RALGAPB: variants seen among roughly 807,000 people sequenced by gnomAD.
RALGAPB encodes the protein Ral GTPase activating protein non-catalytic subunit beta.
RALGAPB carries 25 observed loss-of-function variants against 161.1 expected under a neutral mutation model. That is an observed-to-expected ratio of 0.16 (90% CI 0.11 to 0.22). The LOEUF is 0.22. Among genes scored for constraint, RALGAPB ranks in the 10% least tolerant of loss-of-function variants. RALGAPB has a pLI of 1.00. For synonymous variants in RALGAPB, 629 were observed against 626.1 expected, an observed-to-expected ratio of 1.00 and a Z score of -0.07; for missense variants, 1,391 against 1,815.2, an observed-to-expected ratio of 0.77 and a Z score of 4.25.
chr20:38,510,143 C>CACACACACACACACACACACAG (rs1291491837), intron 6 of RALGAPB, among the ~76,000 whole-genome samples: 6 of 146,124 alleles, frequency 4.1e-5, no homozygotes, highest in Non-Finnish European at 7.4e-5. Flanking sequence ...CACACACACA[C>CACACACACACACACACACACAG]ACACACACAC....
At chr20:38,524,115 G>A (rs2086381264) in intron 10 of RALGAPB, among the ~76,000 whole-genome samples, 1 of 152,154 alleles carries the variant, frequency 6.6e-6, no homozygotes, top group South Asian at 2.1e-4. Flanking sequence ...GTTGAATAAC[G>A]GGAGATTGAA....
rs1161474159 is a variant in RALGAPB, at chr20:38,548,671, A to G, written c.2903-18A>G. ...TGTTGTCTGAAATTAAAACTTTTAT[A>G]TACATATTTTATTCTAGATGATTTT... On this transcript the variant is annotated intron_variant, in intron 19 of 29. Coordinates refer to ENST00000262879, the MANE Select transcript of RALGAPB (RefSeq NM_020336.4). 13 of 1,571,960 alleles carry G rather than the reference A, an allele frequency of 8.3e-6. No individual in the cohort carries two copies. The highest frequency in any genetic ancestry group is 1.7e-5 in the Admixed American group (1 of 59,232).
chr20:38,532,957 T>G, intron 15 of RALGAPB, 98 bp downstream of exon 15: 2 of 1,326,696 alleles, frequency 1.5e-6, no homozygotes, highest in Non-Finnish European at 2.1e-6. Flanking sequence ...GTTCATGTTT[T>G]TTATATACTT....
intron 16 of RALGAPB, among the ~76,000 whole-genome samples, chr20:38,538,844 G>T (rs1015731116): frequency 6.6e-6 from 1 of 152,166 alleles, no homozygotes; most frequent in African/African-American, 2.4e-5. Context: ...CAGCTTGGCT[G>T]TTCCTTAAAA....
At chr20:38,571,464 G>A (rs753433583) in intron 28 of RALGAPB, among the ~76,000 whole-genome samples, 10 of 152,144 alleles carry the variant, frequency 6.6e-5, no homozygotes, top group African/African-American at 9.7e-5. Flanking sequence ...GTAATATCAT[G>A]TGGAATTTGT....
At chr20:38,490,196 T>C (rs180987400) in intron 2 of RALGAPB, among the ~76,000 whole-genome samples, 3 of 150,196 alleles carry the variant, frequency 2.0e-5, no homozygotes, top group African/African-American at 7.4e-5. Flanking sequence ...TTTAAAAATG[T>C]ATTTTTATTT....
At chr20:38,497,562 C>G (rs186156711) in intron 4 of RALGAPB, 46 bp downstream of exon 4, 1 of 1,560,128 alleles carries the variant, frequency 6.4e-7, no homozygotes, top group East Asian at 2.2e-5. Flanking sequence ...GCTCCAAATA[C>G]AGTTCATCTT....
At chr20:38,549,547 A>ATAT (rs1339712516) in intron 20 of RALGAPB, among the ~76,000 whole-genome samples, 2,193 of 127,948 alleles carry the variant, frequency 0.017, 24 homozygotes, top group African/African-American at 0.026. Context: ...AAAAAAAAAA[A>ATAT]AAATATATAT....
intron 10 of RALGAPB, among the ~76,000 whole-genome samples, chr20:38,522,234 T>C (rs146021650): frequency 4.9e-4 from 74 of 152,356 alleles, no homozygotes; most frequent in Non-Finnish European, 7.3e-4. Flanking sequence ...GCTGGACTTA[T>C]AAAGGATGAG....
At position 38,533,239 on chromosome 20, in the gene RALGAPB, G is replaced by T. The variant is rs548610519; in HGVS notation, c.2245+380G>T. ...ATTGCAGTGTGGCAAGGAGGGTAAT[G>T]GGGGATGGATTAGATAGCAGCCCAG... On this transcript the variant is annotated intron_variant, in intron 15 of 29. Coordinates refer to ENST00000262879, the MANE Select transcript of RALGAPB (RefSeq NM_020336.4). Among the ~76,000 whole-genome samples the T allele has an allele frequency of 3.4e-4, 51 of 152,232 alleles. 1 individual carries two copies. In the South Asian group the frequency reaches 7.9e-3, roughly 24 times the overall value.
chr20:38,524,492 T>G (rs79239175), intron 10 of RALGAPB, among the ~76,000 whole-genome samples: 1 of 26,370 alleles, frequency 3.8e-5, no homozygotes, highest in Non-Finnish European at 3.4e-4. Context: ...CAGACATGAA[T>G]TTTTTTTTTT....
chr20:38,499,350 T>G, intron 4 of RALGAPB, 97 bp from the exon 5 acceptor site: 3 of 1,115,454 alleles, frequency 2.7e-6, no homozygotes, highest in Non-Finnish European at 3.8e-6. Flanking sequence ...ATATTGCACT[T>G]ATTTTAATTT....
In RALGAPB at chr20:38,562,456, C is replaced by CA; in HGVS notation, c.3532-76_3532-75insA. 2.3e-6 allele frequency: 3 copies of CA among 1,300,292 alleles called. No homozygotes were observed. The African/African-American group carries it at 4.6e-5, about 20-fold the overall frequency. The allele number at this position is 1,300,292 out of a possible 1,614,324, so 80.5% of individuals were successfully genotyped here. A position where few individuals can be genotyped will look rare whatever the true frequency, so the allele number is the denominator to read the frequency against. ...GATTTGTCAGAAGCTTCAAAACTAA[C>CA]CAATTTTTATGAAGATTTATTTTGA... On this transcript the variant is annotated intron_variant, in intron 23 of 29. Coordinates refer to ENST00000262879, the MANE Select transcript of RALGAPB (RefSeq NM_020336.4).
In RALGAPB at chr20:38,567,176, T is replaced by C. The variant is rs768597265; in HGVS notation, c.3898T>C (p.Ser1300Pro). The C allele has an allele frequency of 2.5e-6, 4 of 1,613,574 alleles. No homozygotes were observed. In the African/African-American group the frequency reaches 5.3e-5, roughly 22 times the overall value. ...DLMPGILKQP[S>P]LTLELFPNHT... is the part of the protein sequence containing the mutation. ...TATGCCAGGAATTCTGAAACAGCCA[T>C]CCCTGACACTTGAGCTTTTCCCCAA... The change falls in exon 26 of 30, where the codon TCC becomes CCC. Residue 1300 changes from serine (S) to proline (P), a missense_variant. Ser to Pro is a moderately conservative substitution (Grantham distance 74, BLOSUM62 -1). Around this residue, in one of 3 missense-constraint regions of RALGAPB, gnomAD observed 436 missense variants for 527.0 expected, o/e 0.83. Coordinates refer to ENST00000262879, the MANE Select transcript of RALGAPB (RefSeq NM_020336.4).
chr20:38,521,581 A>G lies in RALGAPB; in HGVS notation c.1502A>G (p.Asp501Gly), dbSNP rs2086292997. 1 of 1,614,228 alleles carries G rather than the reference A, an allele frequency of 6.2e-7. No individual in the cohort carries two copies. Among genetic ancestry groups the G allele is most frequent in the Non-Finnish European group, 8.5e-7 (1 of 1,180,032 alleles). Residue 501 changes from aspartate to glycine, a missense_variant, in exon 10 of 30, where the codon GAT becomes GGT. Physicochemically the swap from Asp to Gly is moderately conservative, Grantham distance 94. Coordinates refer to ENST00000262879, the MANE Select transcript of RALGAPB (RefSeq NM_020336.4). ...ACCATGGTTTCCAATCCTATGTTTG[A>G]TGCAAGTGAATTTCCTGATAACTAT... is the stretch of plus-strand genomic sequence containing the variant. The part of the protein sequence containing the change: ...TDTMVSNPMF[D>G]ASEFPDNYEA...
chr20:38,492,260 C>T (rs1434836853), intron 2 of RALGAPB, among the ~76,000 whole-genome samples: 2 of 152,190 alleles, frequency 1.3e-5, no homozygotes, highest in Non-Finnish European at 2.9e-5. Context: ...TGCCGGCAGC[C>T]TAGTGGTTCA....
rs1403911104 is a variant in RALGAPB, at chr20:38,472,906, G to T, written c.-194G>T. ...CGAGTGGCCTTCGTCGTCCCTTGGC[G>T]CCCTGGGAGAGTCGCTGACGGGTGG... On this transcript the variant is annotated 5_prime_UTR_variant, in exon 1 of 30. Transcript: ENST00000262879. The T allele has an allele frequency of 2.5e-6, 1 of 398,936 alleles. No homozygotes were observed. The highest frequency in any genetic ancestry group is 4.4e-5 in the Admixed American group (1 of 22,738). The allele number at this position is 398,936 out of a possible 1,614,324, so 24.7% of individuals were successfully genotyped here. A position where few individuals can be genotyped will look rare whatever the true frequency, so the allele number is the denominator to read the frequency against.
intron 15 of RALGAPB, among the ~76,000 whole-genome samples, chr20:38,534,001 TG>T (rs1423695427): frequency 9.3e-5 from 3 of 32,214 alleles, no homozygotes; most frequent in African/African-American, 3.8e-4. Flanking sequence ...TAGCTGGGGG[TG>T]GGGGTGGGTG....
At chr20:38,537,675 G>A (rs1457503967) in intron 16 of RALGAPB, 1 of 152,172 alleles carries the variant, frequency 6.6e-6, no homozygotes, top group Admixed American at 6.5e-5. Context: ...GCATATATTT[G>A]ATGAAAGATT....
Sources: gnomAD v4.1 joint callset for allele counts (sites outside exome capture counted in the v4.1 genomes callset) on GRCh38, gnomAD v4.1.1 for gene constraint, gnomAD v4.1.1 regional missense constraint, MANE v1.5 for transcripts, NCBI Gene and HGNC (gene_info 2026-07-23, HGNC 2026-07-21) for gene names.